CPE: variants seen among roughly 807,000 people sequenced by gnomAD.
The protein encoded by CPE is carbocypeptidase E.
CPE carries 17 observed loss-of-function variants against 53.5 expected under a neutral mutation model. That is an observed-to-expected ratio of 0.32 (90% CI 0.22 to 0.48). The LOEUF is 0.48. Among genes scored for constraint, CPE ranks in the 20% least tolerant of loss-of-function variants. CPE has a pLI of 0.99. For missense variants in CPE, 524 were observed against 614.7 expected (o/e 0.85, Z 1.56); for synonymous variants, 226 against 228.8 (o/e 0.99, Z 0.11).
intron 3 of CPE, among the ~76,000 whole-genome samples, chr4:165,468,440 A>G (rs949465893): frequency 2.6e-5 from 4 of 152,112 alleles, no homozygotes; most frequent in Non-Finnish European, 5.9e-5. Context: ...ACAGAGATTT[A>G]TGTCTCTGTT....
chr4:165,447,566 G>A (rs1404449486), intron 1 of CPE, among the ~76,000 whole-genome samples: 1 of 132,206 alleles, frequency 7.6e-6, no homozygotes, highest in Admixed American at 7.5e-5. Flanking sequence ...GGGAGACTCT[G>A]TCTTTAAAAA....
intron 7 of CPE, 86 bp from the exon 8 acceptor site, chr4:165,495,472 TG>T: frequency 1.2e-6 from 1 of 812,710 alleles, no homozygotes; most frequent in Non-Finnish European, 2.0e-6. Context: ...TGAGCTAGAC[TG>T]GGTATTCCTT....
At chr4:165,442,808 C>A (rs1731638218) in intron 1 of CPE, among the ~76,000 whole-genome samples, 1 of 152,084 alleles carries the variant, frequency 6.6e-6, no homozygotes, top group Non-Finnish European at 1.5e-5. Context: ...ATTGAGCCAA[C>A]CTTTCATGCG....
At chr4:165,387,757 G>A (rs1411274001) in intron 1 of CPE, among the ~76,000 whole-genome samples, 2 of 152,108 alleles carry the variant, frequency 1.3e-5, no homozygotes, top group Non-Finnish European at 2.9e-5. Context: ...TGTGGTGAGC[G>A]AGATCGCACC....
At chr4:165,391,277 C>T (rs1457782382) in intron 1 of CPE, among the ~76,000 whole-genome samples, 2 of 152,062 alleles carry the variant, frequency 1.3e-5, no homozygotes, top group Admixed American at 6.6e-5. Flanking sequence ...AAGAGTGAGA[C>T]TTGTTAATAT....
intron 6 of CPE, among the ~76,000 whole-genome samples, chr4:165,491,534 A>G (rs536938761): frequency 6.6e-6 from 1 of 152,094 alleles, no homozygotes; most frequent in Non-Finnish European, 1.5e-5. Flanking sequence ...CATGTTTTCC[A>G]ATGGCTGAAT....
intron 1 of CPE, among the ~76,000 whole-genome samples, chr4:165,423,469 TTTC>T (rs1470126455): frequency 6.6e-6 from 1 of 151,928 alleles, no homozygotes; most frequent in Non-Finnish European, 1.5e-5. Context: ...ATCTATAGTC[TTTC>T]TTATTTATAA....
At chr4:165,397,017 C>T (rs994036127) in intron 1 of CPE, among the ~76,000 whole-genome samples, 1 of 151,792 alleles carries the variant, frequency 6.6e-6, no homozygotes, top group African/African-American at 2.4e-5. Context: ...GCCATGATCA[C>T]AGCACTGAAC....
At chr4:165,423,725 G>C (rs1165844703) in intron 1 of CPE, among the ~76,000 whole-genome samples, 1 of 151,386 alleles carries the variant, frequency 6.6e-6, no homozygotes, top group Non-Finnish European at 1.5e-5. Flanking sequence ...CATGTGCCAT[G>C]CTGGTGCGCT....
chr4:165,452,047 TG>T (rs1190330315), intron 1 of CPE, among the ~76,000 whole-genome samples: 1 of 151,710 alleles, frequency 6.6e-6, no homozygotes, highest in African/African-American at 2.4e-5. Flanking sequence ...AAAACAAGCC[TG>T]TGTAGGCCCA....
intron 3 of CPE, among the ~76,000 whole-genome samples, chr4:165,480,464 G>C (rs535422418): frequency 8.5e-5 from 13 of 152,300 alleles, no homozygotes; most frequent in Admixed American, 4.6e-4. Context: ...AAACATCCCA[G>C]TATCACCTCT....
At chr4:165,467,890 T>A in intron 3 of CPE, 35 bp downstream of exon 3, 1 of 1,604,414 alleles carries the variant, frequency 6.2e-7, no homozygotes, top group Non-Finnish European at 8.5e-7. Flanking sequence ...TGGGTTCGTC[T>A]CTAGCCTAAG....
intron 1 of CPE, among the ~76,000 whole-genome samples, chr4:165,434,094 GT>G (rs1043276224): frequency 1.4e-5 from 2 of 148,018 alleles, no homozygotes; most frequent in African/African-American, 5.1e-5. Context: ...GACTGATTTA[GT>G]TTTTTTCTAC....
chr4:165,469,038 G>A (rs759054063), intron 3 of CPE, among the ~76,000 whole-genome samples: 4 of 152,194 alleles, frequency 2.6e-5, no homozygotes, highest in Non-Finnish European at 5.9e-5. Context: ...GATAAGGATT[G>A]AATGAGTTAA....
At chr4:165,404,967 C>T in intron 1 of CPE, 1 of 756,160 alleles carries the variant, frequency 1.3e-6, no homozygotes, top group South Asian at 1.4e-5. Flanking sequence ...GGAATCACTG[C>T]TTCTACTTCC....
intron 4 of CPE, 91 bp from the exon 5 acceptor site, chr4:165,484,331 A>G: frequency 8.6e-7 from 1 of 1,163,956 alleles, no homozygotes; most frequent in Admixed American, 2.4e-5. Flanking sequence ...CATCAACAAT[A>G]CAATTACTCA....
chr4:165,497,033 C>T lies in CPE; in HGVS notation c.1333-479C>T, dbSNP rs555504529. 2.0e-4 allele frequency among the ~76,000 whole-genome samples: 31 copies of T among 152,292 alleles called. No homozygotes were observed. In the East Asian group the frequency reaches 6.0e-3, roughly 29 times the overall value. On this transcript the variant is annotated intron_variant, in intron 8 of 8. Coordinates refer to ENST00000402744, the MANE Select transcript of CPE (RefSeq NM_001873.4). The stretch of plus-strand genomic sequence containing the variant: ...TGCCTCCCGGGTTCAAGAAATTCTC[C>T]TGCCTCAGCCTCCTGAGTAGCTGGG...
chr4:165,489,867 G>A (rs542899879), intron 6 of CPE, among the ~76,000 whole-genome samples: 18 of 152,204 alleles, frequency 1.2e-4, no homozygotes, highest in Admixed American at 3.9e-4. Flanking sequence ...TTTATGCCAC[G>A]CAAAATAAGA....
chr4:165,432,406 C>T (rs1454543784), intron 1 of CPE, among the ~76,000 whole-genome samples: 1 of 152,128 alleles, frequency 6.6e-6, no homozygotes, highest in African/African-American at 2.4e-5. Context: ...AATAATCCTC[C>T]CACCTCAGCC....
Sources: allele counts gnomAD v4.1 joint callset (sites outside exome capture counted in the v4.1 genomes callset), GRCh38; gene constraint gnomAD v4.1.1; transcripts MANE v1.5; gene names NCBI Gene and HGNC (gene_info 2026-07-23, HGNC 2026-07-21).